Variants in SEC24B observed in about 807,000 individuals in gnomAD.
The protein encoded by SEC24B is SEC24 homolog B, COPII component.
SEC24B carries 45 observed loss-of-function variants against 142.8 expected under a neutral mutation model. The ratio of observed to expected loss-of-function variants is 0.32; its 90% CI spans 0.25 to 0.40. SEC24B has a LOEUF of 0.40. Among genes scored for constraint, SEC24B ranks in the 10% least tolerant of loss-of-function variants. The probability of loss-of-function intolerance (pLI) is 1.00; values close to 1 mark genes in which losing one functional copy is unlikely to be tolerated. For synonymous variants in SEC24B, 574 were observed against 568.2 expected, an observed-to-expected ratio of 1.01 and a Z score of -0.15; for missense variants, 1,409 against 1,526.8, an observed-to-expected ratio of 0.92 and a Z score of 1.29.
chr4:109,519,531 T>C (rs938025983), intron 11 of SEC24B, among the ~76,000 whole-genome samples: 1 of 152,224 alleles, frequency 6.6e-6, no homozygotes, highest in African/African-American at 2.4e-5. Flanking sequence ...TGTGTATTTT[T>C]AGCTTGGAGT....
chr4:109,438,744 A>ATTC, intron 1 of SEC24B, among the ~76,000 whole-genome samples: 1 of 152,300 alleles, frequency 6.6e-6, no homozygotes, highest in East Asian at 1.9e-4. Flanking sequence ...TCCTCCACTT[A>ATTC]TTCGAAGATA....
At chr4:109,471,017 A>G in intron 2 of SEC24B, among the ~76,000 whole-genome samples, 1 of 152,104 alleles carries the variant, frequency 6.6e-6, no homozygotes, top group African/African-American at 2.4e-5. Flanking sequence ...AATATTGGAA[A>G]TGTTTTATTT....
chr4:109,436,619 A>G (rs192805843), intron 1 of SEC24B, among the ~76,000 whole-genome samples: 39 of 152,326 alleles, frequency 2.6e-4, no homozygotes, highest in African/African-American at 9.1e-4. Context: ...TTTTGATCAC[A>G]TTTGAGTTTG....
intron 1 of SEC24B, among the ~76,000 whole-genome samples, chr4:109,459,472 T>A (rs1731040565): frequency 6.6e-6 from 1 of 152,222 alleles, no homozygotes; most frequent in Admixed American, 6.5e-5. Flanking sequence ...AAAAATGATT[T>A]ACATTTGTCT....
chr4:109,489,667 T>C (rs929742206), intron 4 of SEC24B, among the ~76,000 whole-genome samples: 2 of 143,042 alleles, frequency 1.4e-5, no homozygotes, highest in Admixed American at 1.4e-4. Flanking sequence ...ATATATGATA[T>C]ATACATGTGA....
chr4:109,466,475 A>G (rs1731881716), intron 2 of SEC24B, among the ~76,000 whole-genome samples: 1 of 152,236 alleles, frequency 6.6e-6, no homozygotes, highest in Non-Finnish European at 1.5e-5. Flanking sequence ...CAGTGGCGCC[A>G]TCTCAGCTCA....
chr4:109,489,759 AG>A (rs2126000241), intron 4 of SEC24B, among the ~76,000 whole-genome samples: 1 of 151,114 alleles, frequency 6.6e-6, no homozygotes, highest in East Asian at 1.9e-4. Context: ...TTCACATTGT[AG>A]CGTGTATCCA....
chr4:109,491,795 A>G lies in SEC24B; in HGVS notation c.1246+388A>G, dbSNP rs113355705. Among the ~76,000 whole-genome samples the G allele has an allele frequency of 5.0e-3, 760 of 152,194 alleles. 3 individuals are homozygous for G. The highest frequency in any genetic ancestry group is 8.9e-3 in the Non-Finnish European group (602 of 67,988). On this transcript the variant is annotated intron_variant, in intron 5 of 23. Transcript: ENST00000265175. ...TAGTCTTTGACTCTTTGCTCCCTCA[A>G]TGGCTTCTGGCTGCTTCTAGTAGGT...
At chr4:109,467,181 C>A (rs1207964468) in intron 2 of SEC24B, among the ~76,000 whole-genome samples, 1 of 151,374 alleles carries the variant, frequency 6.6e-6, no homozygotes, top group East Asian at 1.9e-4. Context: ...AAAAAATTAG[C>A]CGGGCGTGGT....
chr4:109,466,878 CAGAT>C (rs1255246848), intron 2 of SEC24B, among the ~76,000 whole-genome samples: 2 of 152,052 alleles, frequency 1.3e-5, no homozygotes, highest in Non-Finnish European at 2.9e-5. Context: ...AAAAATATGA[CAGAT>C]GGATACATAC....
At chr4:109,534,970 G>T (rs540624385) in intron 22 of SEC24B, among the ~76,000 whole-genome samples, 1 of 152,278 alleles carries the variant, frequency 6.6e-6, no homozygotes, top group South Asian at 2.1e-4. Flanking sequence ...GAGCCACGGT[G>T]CTTGGCCAGT....
chr4:109,471,055 A>G (rs1732468979), intron 2 of SEC24B, among the ~76,000 whole-genome samples: 2 of 151,542 alleles, frequency 1.3e-5, no homozygotes, highest in Admixed American at 6.6e-5. Flanking sequence ...GTTCATGGGT[A>G]TTTATTTTAT....
intron 13 of SEC24B, 69 bp downstream of exon 13, chr4:109,521,241 A>G (rs1723580849): frequency 9.1e-7 from 1 of 1,093,822 alleles, no homozygotes; most frequent in Non-Finnish European, 1.3e-6. Context: ...AATATTTAAC[A>G]TTTGTTTACT....
intron 14 of SEC24B, among the ~76,000 whole-genome samples, chr4:109,523,636 T>G (rs1385654165): frequency 6.6e-6 from 1 of 152,186 alleles, no homozygotes; most frequent in African/African-American, 2.4e-5. Context: ...TGTCTGGCCT[T>G]AACATATTTG....
At chr4:109,521,082 C>A in intron 12 of SEC24B, 35 bp from the exon 13 acceptor site, 1 of 1,289,228 alleles carries the variant, frequency 7.8e-7, no homozygotes, top group South Asian at 1.2e-5. Context: ...TTCTTTTGTT[C>A]GATTTGTTGA....
chr4:109,527,232 AG>A, intron 17 of SEC24B, 89 bp from the exon 18 acceptor site: 6 of 890,802 alleles, frequency 6.7e-6, no homozygotes, highest in Non-Finnish European at 1.0e-5. Flanking sequence ...AAAAAAAAAA[AG>A]AAAGAAAGAA....
At chr4:109,481,092 GATA>G (rs1223695592) in intron 3 of SEC24B, among the ~76,000 whole-genome samples, 1 of 152,098 alleles carries the variant, frequency 6.6e-6, no homozygotes, top group Non-Finnish European at 1.5e-5. Context: ...TAGGGTCACA[GATA>G]ATAAGTCCCC....
intron 10 of SEC24B, among the ~76,000 whole-genome samples, chr4:109,515,187 GC>G (rs1360820281): frequency 6.6e-6 from 1 of 151,970 alleles, no homozygotes. Context: ...TGCAAGCTCT[GC>G]CTCCCGGGTT....
intron 22 of SEC24B, among the ~76,000 whole-genome samples, chr4:109,534,159 T>C (rs1441860238): frequency 6.6e-6 from 1 of 152,106 alleles, no homozygotes; most frequent in Non-Finnish European, 1.5e-5. Flanking sequence ...CCTCCCACTT[T>C]AGCCTCCTGA....
Sources: gnomAD v4.1 joint callset for allele counts (sites outside exome capture counted in the v4.1 genomes callset) on GRCh38, gnomAD v4.1.1 for gene constraint, MANE v1.5 for transcripts, NCBI Gene and HGNC (gene_info 2026-07-23, HGNC 2026-07-21) for gene names.